ZDBF2: variants seen among roughly 807,000 people sequenced by gnomAD.
ZDBF2 encodes the protein zinc finger DBF-type containing 2, also known as DBF4-type zinc finger-containing protein 2.
In ZDBF2, 6 loss-of-function variants were observed where a neutral mutation model predicts 9.4. The observed-to-expected ratio is 0.64, with a 90% confidence interval of 0.35 to 1.27. The LOEUF (loss-of-function observed/expected upper bound fraction) is 1.27. Ranked by LOEUF, ZDBF2 falls within the 50% of genes most tolerant of loss-of-function variation. The pLI is 0.03. For synonymous variants in ZDBF2, 905 were observed against 946.3 expected (o/e 0.96, Z 0.80); for missense variants, 2,697 against 2,766.8 (o/e 0.97, Z 0.57).
chr2:206,308,679 C>T lies in ZDBF2; in HGVS notation c.4151C>T (p.Pro1384Leu). Residue 1384 changes from proline (P) to leucine (L), a missense_variant, in exon 5 of 5, where the codon CCT becomes CTT. Around this residue, in one of 3 missense-constraint regions of ZDBF2, gnomAD observed 1,783 missense variants for 1,776.5 expected, o/e 1.00. Transcript: ENST00000374423. ...GCAGCAGCAGATGAGCTTCAAAAAC[C>T]TGTCAAAGAAATAAATCTTTGGAAG... ...FQAAADELQKPVKEINLWKED... is the reference protein window; with the variant it reads ...FQAAADELQKLVKEINLWKED... 1 of 1,612,504 alleles carries T rather than the reference C, an allele frequency of 6.2e-7. No individual in the cohort carries two copies. The highest frequency in any genetic ancestry group is 1.1e-5 in the South Asian group (1 of 91,050).
intron 1 of ZDBF2, among the ~76,000 whole-genome samples, chr2:206,277,681 C>A (rs141372208): frequency 7.0e-6 from 1 of 143,228 alleles, no homozygotes; most frequent in African/African-American, 2.6e-5. Flanking sequence ...GGGTGAATTA[C>A]GATGTTGTTT....
At chr2:206,290,314 A>G (rs888310533) in intron 3 of ZDBF2, among the ~76,000 whole-genome samples, 11 of 152,182 alleles carry the variant, frequency 7.2e-5, no homozygotes, top group African/African-American at 2.4e-4. Flanking sequence ...CCTCTTTTTC[A>G]AGATTGTTTT....
intron 1 of ZDBF2, among the ~76,000 whole-genome samples, chr2:206,278,965 A>C (rs1280719497): frequency 6.6e-6 from 1 of 152,140 alleles, no homozygotes; most frequent in Non-Finnish European, 1.5e-5. Context: ...GTGGGTGCTT[A>C]ATAGTTATTC....
chr2:206,285,953 G>A (rs903641716), intron 3 of ZDBF2, among the ~76,000 whole-genome samples: 3 of 152,040 alleles, frequency 2.0e-5, no homozygotes, highest in African/African-American at 7.3e-5. Flanking sequence ...AAAATCAGTT[G>A]GCTGCAAATA....
intron 3 of ZDBF2, among the ~76,000 whole-genome samples, chr2:206,288,901 A>G (rs1351971263): frequency 6.6e-6 from 1 of 152,104 alleles, no homozygotes; most frequent in African/African-American, 2.4e-5. Flanking sequence ...TAGTGACTCT[A>G]GACACTGGGA....
At chr2:206,278,727 T>A (rs1691155533) in intron 1 of ZDBF2, among the ~76,000 whole-genome samples, 1 of 152,354 alleles carries the variant, frequency 6.6e-6, no homozygotes, top group East Asian at 1.9e-4. Flanking sequence ...TTTTCCAGTA[T>A]CTGGTTAAAA....
In ZDBF2 at chr2:206,306,362, C is replaced by T. The variant is rs372783739; in HGVS notation, c.1834C>T (p.Leu612=). The change falls in exon 5 of 5, where the codon CTA becomes TTA. Residue 612 remains leucine (L), a synonymous_variant. Transcript: ENST00000374423. ...AAACCTGAAAGGTAGACAAGTCCAC[C>T]TAAAACATAAGAAGCGTAAACCCAG... ...GRNLKGRQVH[L]KHKKRKPSSA... is the part of the protein sequence containing the mutation. The T allele has an allele frequency of 2.8e-5, 45 of 1,613,656 alleles. No individual in the cohort carries two copies. The highest frequency in any genetic ancestry group is 5.1e-6 in the Non-Finnish European group (6 of 1,179,808).
rs762885715 is a variant in ZDBF2, at chr2:206,309,702, A to T, written c.5174A>T (p.Asp1725Val). ...AAGTCAGCGCTCCATCGAAGGGCTG[A>T]TAAAAAAAAACGTTCGAAGCTAAAA... ...SSKSALHRRA[D>V]KKKRSKLKHR... is the part of the protein sequence containing the mutation. Residue 1725 changes from aspartate (D) to valine (V), a missense_variant, in exon 5 of 5, where the codon GAT becomes GTT. Asp to Val is a radical substitution (Grantham distance 152). Coordinates refer to ENST00000374423, the MANE Select transcript of ZDBF2 (RefSeq NM_020923.3). 1.3e-5 allele frequency: 21 copies of T among 1,613,796 alleles called. No individual in the cohort carries two copies. Among genetic ancestry groups the T allele is most frequent in the Non-Finnish European group, 1.7e-5 (20 of 1,179,874 alleles).
chr2:206,308,391 A>AT lies in ZDBF2; in HGVS notation c.3865dup (p.Ser1289PhefsTer3). The AT allele has an allele frequency of 6.2e-7, 1 of 1,612,320 alleles. No homozygotes were observed. Among genetic ancestry groups the AT allele is most frequent in the Non-Finnish European group, 8.5e-7 (1 of 1,179,488 alleles). On this transcript the variant is annotated frameshift_variant, in exon 5 of 5. Transcript: ENST00000374423. LOFTEE classifies it low-confidence loss of function (END_TRUNC). ...CCTACAGATTCCAGAATAAATTTTG[A>AT]TTCTCATGAACCCCTTCAGTCCGTA...
intron 3 of ZDBF2, among the ~76,000 whole-genome samples, chr2:206,286,740 T>C (rs1362092768): frequency 6.6e-6 from 1 of 152,104 alleles, no homozygotes; most frequent in East Asian, 1.9e-4. Context: ...TTGTAGGCGG[T>C]GTATTGTTAG....
chr2:206,309,296 A>G lies in ZDBF2; in HGVS notation c.4768A>G (p.Thr1590Ala), dbSNP rs115822180. 1,249 of 1,612,432 alleles carry G rather than the reference A, an allele frequency of 7.7e-4. 10 individuals are homozygous for G. In the African/African-American group the frequency reaches 0.015, roughly 19 times the overall value. ...AGTCAGATGTAATTGTAAAGCCTCT[A>G]CTCCCTCAATGACAAACCAATGCAA... ...SEVRCNCKASTPSMTNQCKET... is the reference protein window; with the variant it reads ...SEVRCNCKASAPSMTNQCKET... The change falls in exon 5 of 5, where the codon ACT becomes GCT. Residue 1590 changes from threonine (T) to alanine (A), a missense_variant. Transcript: ENST00000374423.
Position 206,308,849 on chromosome 2 carries a change from G to A in ZDBF2, c.4321G>A (p.Asp1441Asn). ...EINLQKKDHN[D>N]LENKNCEVCG... ...AAACTTGCAAAAGAAGGATCATAATGATCTAGAAAATAAGAACTGTGAAGT... is the reference window on the plus strand; with the variant it reads ...AAACTTGCAAAAGAAGGATCATAATAATCTAGAAAATAAGAACTGTGAAGT... Residue 1441 changes from aspartate to asparagine, a missense_variant, in exon 5 of 5, where the codon GAT becomes AAT. Transcript: ENST00000374423. The A allele has an allele frequency of 6.2e-7, 1 of 1,613,542 alleles. No homozygotes were observed. Among genetic ancestry groups the A allele is most frequent in the Non-Finnish European group, 8.5e-7 (1 of 1,179,758 alleles).
Position 206,308,302 on chromosome 2 carries a change from A to C in ZDBF2, c.3774A>C (p.Glu1258Asp). 6.2e-7 allele frequency: 1 copy of C among 1,613,952 alleles called. No individual in the cohort carries two copies. The highest frequency in any genetic ancestry group is 1.1e-5 in the South Asian group (1 of 91,068). Residue 1258 changes from glutamate (E) to aspartate (D), a missense_variant, in exon 5 of 5, where the codon GAA (glutamate) becomes GAC (aspartate). By Grantham distance (45) the Glu-to-Asp change is conservative. Transcript: ENST00000374423. Reference sequence around the variant, plus strand: ...TTCAGCCAGTGGCTGGCCAACCTGAAGAAGTAGTTAAGGAGGTCAGTCTTT... The same window carrying C: ...TTCAGCCAGTGGCTGGCCAACCTGACGAAGTAGTTAAGGAGGTCAGTCTTT... ...DVLQPVAGQP[E>D]EVVKEVSLWK...
intron 3 of ZDBF2, among the ~76,000 whole-genome samples, chr2:206,293,757 G>A (rs1396500805): frequency 1.3e-5 from 2 of 152,312 alleles, no homozygotes; most frequent in East Asian, 1.9e-4. Context: ...ACTGACAATA[G>A]CAAGTGTTGA....
Position 206,296,279 on chromosome 2 carries a change from C to T in ZDBF2, c.61-967C>T, listed in dbSNP as rs940813838. Among the ~76,000 whole-genome samples the T allele has an allele frequency of 8.8e-4, 134 of 152,126 alleles. 3 individuals are homozygous for T. Among genetic ancestry groups the T allele is most frequent in the Admixed American group, 8.6e-3 (131 of 15,282 alleles). On this transcript the variant is annotated intron_variant, in intron 3 of 4. Coordinates refer to ENST00000374423, the MANE Select transcript of ZDBF2 (RefSeq NM_020923.3). ...TTCTGAGTAGCTTGATGAAATCCTT[C>T]GCTGCCACTCATTGTCCCACTCAGG...
chr2:206,307,870 T>C lies in ZDBF2; in HGVS notation c.3342T>C (p.Tyr1114=), dbSNP rs767718491. The part of the protein sequence containing the change: ...LKNKINEPST[Y]KLIHHPDVSV... Reference sequence around the variant, plus strand: ...ATAAGATTAATGAACCTAGTACTTATAAATTAATACATCATCCTGATGTTT... The same window carrying C: ...ATAAGATTAATGAACCTAGTACTTACAAATTAATACATCATCCTGATGTTT... The change falls in exon 5 of 5, where the codon TAT becomes TAC. Residue 1114 remains tyrosine, a synonymous_variant. Coordinates refer to ENST00000374423, the MANE Select transcript of ZDBF2 (RefSeq NM_020923.3). The C allele has an allele frequency of 5.6e-6, 9 of 1,613,584 alleles. No individual in the cohort carries two copies. The South Asian group carries it at 8.8e-5, about 16-fold the overall frequency.
At chr2:206,304,033 T>C (rs903125556) in intron 4 of ZDBF2, among the ~76,000 whole-genome samples, 8 of 152,176 alleles carry the variant, frequency 5.3e-5, no homozygotes, top group Admixed American at 5.2e-4. Flanking sequence ...CTTGTACGTG[T>C]TCATTAAACA....
At chr2:206,301,843 G>A (rs140994791) in intron 4 of ZDBF2, among the ~76,000 whole-genome samples, 126 of 151,104 alleles carry the variant, frequency 8.3e-4, no homozygotes, top group African/African-American at 2.8e-3. Context: ...TATCTTTTTC[G>A]TCTTAAATTG....
intron 1 of ZDBF2, among the ~76,000 whole-genome samples, chr2:206,278,790 G>A (rs1473041180): frequency 2.6e-5 from 4 of 152,166 alleles, no homozygotes; most frequent in South Asian, 2.1e-4. Context: ...TGAACTTTGC[G>A]TTGAACTCAT....
Sources: gnomAD v4.1 joint callset for allele counts (sites outside exome capture counted in the v4.1 genomes callset) on GRCh38, gnomAD v4.1.1 for gene constraint, gnomAD v4.1.1 regional missense constraint, MANE v1.5 for transcripts, NCBI Gene and HGNC (gene_info 2026-07-23, HGNC 2026-07-21) for gene names.